The following GMDS variants were observed in gnomAD, a reference collection of about 807,000 sequenced individuals.
GMDS encodes GDP-mannose 4,6-dehydratase.
Under a neutral mutation model 49.9 loss-of-function variants are expected in GMDS, and 20 were observed. The ratio of observed to expected loss-of-function variants is 0.40; its 90% CI spans 0.28 to 0.58. GMDS has a LOEUF of 0.58. GMDS is among the 20% of genes least tolerant of loss of function. The probability of loss-of-function intolerance (pLI) is 0.42; values close to 1 mark genes in which losing one functional copy is unlikely to be tolerated. For missense variants in GMDS, 362 were observed against 481.4 expected (o/e 0.75, Z 2.32); for synonymous variants, 177 against 178.6 (o/e 0.99, Z 0.07).
chr6:2,222,264 C>T (rs1009570929), intron 1 of GMDS, among the ~76,000 whole-genome samples: 1 of 152,204 alleles, frequency 6.6e-6, no homozygotes, highest in African/African-American at 2.4e-5. Flanking sequence ...GTCAATCTGA[C>T]TGCAGAGCTG....
chr6:1,748,651 GTC>G (rs1252241355), intron 7 of GMDS, among the ~76,000 whole-genome samples: 1 of 152,100 alleles, frequency 6.6e-6, no homozygotes, highest in Non-Finnish European at 1.5e-5. Context: ...GAACCACATG[GTC>G]TCTGTTTCTC....
At chr6:1,627,016 T>C (rs1379475311) in intron 9 of GMDS, among the ~76,000 whole-genome samples, 1 of 152,244 alleles carries the variant, frequency 6.6e-6, no homozygotes, top group Non-Finnish European at 1.5e-5. Flanking sequence ...CTGCCAAGGC[T>C]CTGTCTCCCT....
At chr6:2,062,423 A>G (rs1023037811) in intron 4 of GMDS, among the ~76,000 whole-genome samples, 1 of 152,192 alleles carries the variant, frequency 6.6e-6, no homozygotes, top group African/African-American at 2.4e-5. Context: ...TGTGACAAAA[A>G]CTAGGAAGAG....
At chr6:2,183,989 ATATATGCATAAGTTATATATAACTTG>A (rs1192574377) in intron 1 of GMDS, among the ~76,000 whole-genome samples, 4 of 152,334 alleles carry the variant, frequency 2.6e-5, no homozygotes, top group Non-Finnish European at 4.4e-5. Context: ...AACATAACTT[ATATATGCATAAGTTATATATAACTTG>A]TATATGCATA....
chr6:1,946,986 G>A (rs1280363038), intron 6 of GMDS, among the ~76,000 whole-genome samples: 2 of 152,204 alleles, frequency 1.3e-5, no homozygotes, highest in Admixed American at 6.5e-5. Flanking sequence ...GGTGTCTAGC[G>A]AGTTCTGCAC....
At chr6:1,923,659 G>A (rs1761840573) in intron 7 of GMDS, among the ~76,000 whole-genome samples, 1 of 152,224 alleles carries the variant, frequency 6.6e-6, no homozygotes, top group African/African-American at 2.4e-5. Context: ...CCTCCTACAA[G>A]CGGTTGAGCA....
chr6:1,997,249 C>A (rs769948370), intron 4 of GMDS, among the ~76,000 whole-genome samples: 6 of 152,040 alleles, frequency 3.9e-5, no homozygotes, highest in Non-Finnish European at 7.4e-5. Flanking sequence ...GTGGCTCATG[C>A]CTGTAATCAC....
intron 8 of GMDS, among the ~76,000 whole-genome samples, chr6:1,731,536 G>A (rs1288074102): frequency 6.6e-6 from 1 of 152,112 alleles, no homozygotes; most frequent in Non-Finnish European, 1.5e-5. Context: ...AAATTAATAG[G>A]CAATGGAGTA....
chr6:2,239,961 A>G (rs1781537576), intron 1 of GMDS, among the ~76,000 whole-genome samples: 1 of 152,222 alleles, frequency 6.6e-6, no homozygotes, highest in Non-Finnish European at 1.5e-5. Flanking sequence ...AGCCTCCCAA[A>G]GTGCTGGGAC....
chr6:2,107,475 C>T (rs184055230), intron 4 of GMDS, among the ~76,000 whole-genome samples: 159 of 152,226 alleles, frequency 1.0e-3, no homozygotes, highest in South Asian at 3.5e-3. Flanking sequence ...TATTTACAAT[C>T]GTGGTGTTTA....
At chr6:1,853,247 G>A (rs376349056) in intron 7 of GMDS, among the ~76,000 whole-genome samples, 7 of 151,766 alleles carry the variant, frequency 4.6e-5, no homozygotes, top group African/African-American at 1.2e-4. Context: ...GGCCGGGCGC[G>A]GTGGCTCATG....
rs773255420 is a variant in GMDS, at chr6:1,779,983, C to T, written c.772-37397G>A. On this transcript the variant is annotated intron_variant, in intron 7 of 10. Coordinates refer to ENST00000380815, the MANE Select transcript of GMDS (RefSeq NM_001500.4). ...AGGCCACCAAAGGCACAGTGTGGTC[C>T]AGTTCTGAGTTTAGTCTTTTGAGGA... Among the ~76,000 whole-genome samples the T allele has an allele frequency of 7.2e-4, 109 of 152,322 alleles. 2 individuals carry two copies. Among genetic ancestry groups the T allele is most frequent in the South Asian group, 2.1e-4 (1 of 4,822 alleles).
chr6:1,939,385 G>C (rs1233669412), intron 6 of GMDS, among the ~76,000 whole-genome samples: 1 of 151,776 alleles, frequency 6.6e-6, no homozygotes, highest in East Asian at 1.9e-4. Context: ...TAACACCTGG[G>C]ATGCTCATCC....
chr6:1,896,454 A>C (rs1760194287), intron 7 of GMDS, among the ~76,000 whole-genome samples: 1 of 152,202 alleles, frequency 6.6e-6, no homozygotes, highest in African/African-American at 2.4e-5. Flanking sequence ...GGCGGGAACT[A>C]GAGTGGACAA....
chr6:2,105,727 A>G (rs1774205982), intron 4 of GMDS, among the ~76,000 whole-genome samples: 1 of 152,192 alleles, frequency 6.6e-6, no homozygotes, highest in Non-Finnish European at 1.5e-5. Context: ...GCACCAATGA[A>G]ATATATGGAA....
At chr6:1,808,643 C>T (rs1179097354) in intron 7 of GMDS, among the ~76,000 whole-genome samples, 1 of 152,170 alleles carries the variant, frequency 6.6e-6, no homozygotes, top group African/African-American at 2.4e-5. Flanking sequence ...ACAATGGTTA[C>T]ATCAAAGGAG....
At chr6:1,817,659 C>G (rs930749480) in intron 7 of GMDS, among the ~76,000 whole-genome samples, 14 of 152,290 alleles carry the variant, frequency 9.2e-5, no homozygotes, top group Middle Eastern at 6.8e-3. Flanking sequence ...TGTAGCAGAA[C>G]AAACAATTTA....
At chr6:1,861,626 A>G (rs1026193864) in intron 7 of GMDS, among the ~76,000 whole-genome samples, 4 of 151,412 alleles carry the variant, frequency 2.6e-5, no homozygotes, top group African/African-American at 9.8e-5. Flanking sequence ...CCCAAAAAAA[A>G]AAAAAAGAAA....
At chr6:1,695,912 TTTTTTTTTTTC>T (rs1281514622) in intron 9 of GMDS, among the ~76,000 whole-genome samples, 1 of 149,360 alleles carries the variant, frequency 6.7e-6, no homozygotes, top group African/African-American at 2.5e-5. Flanking sequence ...TCTTGGTTTT[TTTTTTTTTTTC>T]TTTTTTTTTT....
Sources: gnomAD v4.1 joint callset for allele counts (sites outside exome capture counted in the v4.1 genomes callset) on GRCh38, gnomAD v4.1.1 for gene constraint, MANE v1.5 for transcripts, NCBI Gene and HGNC (gene_info 2026-07-23, HGNC 2026-07-21) for gene names.